Variants in TYRO3 observed in about 807,000 individuals in gnomAD.
TYRO3 encodes TYRO3 protein tyrosine kinase, also known as tyrosine-protein kinase receptor TYRO3.
A neutral mutation model predicts 95.2 loss-of-function variants in TYRO3; 38 were observed. The ratio of observed to expected loss-of-function variants is 0.40; its 90% CI spans 0.31 to 0.52. The LOEUF is 0.52. TYRO3 is among the 20% of genes least tolerant of loss of function. The pLI is 0.56. For missense variants in TYRO3, 812 were observed against 1,116.4 expected, an observed-to-expected ratio of 0.73 and a Z score of 3.89; for synonymous variants, 367 against 432.9, an observed-to-expected ratio of 0.85 and a Z score of 1.89.
intron 12 of TYRO3, 110 bp downstream of exon 12, chr15:41,570,809 A>C (rs1179036684): frequency 9.2e-7 from 1 of 1,090,098 alleles, no homozygotes; most frequent in Non-Finnish European, 1.4e-6. Context: ...CGTAAACAAG[A>C]TATGCTTGTA....
rs909130539 is a variant in TYRO3, at chr15:41,577,756, G to A, written c.2283-130G>A. 3.1e-6 allele frequency: 3 copies of A among 957,426 alleles called. No individual in the cohort carries two copies. In the African/African-American group the frequency reaches 4.9e-5, roughly 16 times the overall value. The allele number at this position is 957,426 out of a possible 1,614,324, so 59.3% of individuals were successfully genotyped here. On this transcript the variant is annotated intron_variant, in intron 18 of 18. Coordinates refer to ENST00000263798, the MANE Select transcript of TYRO3 (RefSeq NM_006293.4). ...CCCCTTCGGCCTCCCAAAGTGTTGA[G>A]ATTACAGATGCGAGCCGCTGTGCCC...
chr15:41,577,710 C>A, intron 18 of TYRO3, 176 bp from the exon 19 acceptor site: 1 of 610,860 alleles, frequency 1.6e-6, no homozygotes, highest in Non-Finnish European at 2.8e-6. Flanking sequence ...TGGTCTCGAA[C>A]TCCTGGGCTC....
rs2055783284 is a variant in TYRO3 at position 41,570,622 on chromosome 15, G to A, written c.1502G>A (p.Ser501Asn). ...CCCACAGTGGACAGCTTGGGCATCAGCGATGAACTAAAGGAAAAACTGGAG... is the reference window on the plus strand; with the variant it reads ...CCCACAGTGGACAGCTTGGGCATCAACGATGAACTAAAGGAAAAACTGGAG... ...IEATLDSLGI[S>N]DELKEKLEDV... Residue 501 changes from serine (S) to asparagine (N), a missense_variant, in exon 12 of 19, where the codon AGC (serine) becomes AAC (asparagine). Transcript: ENST00000263798. The A allele has an allele frequency of 6.2e-7, 1 of 1,614,184 alleles. No homozygotes were observed. The highest frequency in any genetic ancestry group is 2.2e-5 in the East Asian group (1 of 44,878).
intron 7 of TYRO3, among the ~76,000 whole-genome samples, chr15:41,567,965 G>A (rs2055745189): frequency 6.6e-6 from 1 of 152,172 alleles, no homozygotes. Flanking sequence ...GAGTGGTAAG[G>A]GGTGAGGCAG....
At chr15:41,561,347 A>AGG (rs1185796910) in intron 2 of TYRO3, 37 bp downstream of exon 2, 7 of 1,399,390 alleles carry the variant, frequency 5.0e-6, no homozygotes, top group Admixed American at 2.0e-5. Flanking sequence ...GCTGCCAGCC[A>AGG]GGGGGCAGGC....
At chr15:41,568,531 T>A (rs919570361) in intron 8 of TYRO3, among the ~76,000 whole-genome samples, 169 bp downstream of exon 8, 4 of 152,148 alleles carry the variant, frequency 2.6e-5, no homozygotes, top group African/African-American at 7.2e-5. Context: ...CTCAAAGGAT[T>A]ATGTCTCCTG....
chr15:41,574,649 G>T, intron 18 of TYRO3: 1 of 456,056 alleles, frequency 2.2e-6, no homozygotes, highest in Non-Finnish European at 4.4e-6. Flanking sequence ...TGATTTGTCT[G>T]TTCTAGTCTT....
chr15:41,562,331 C>CAAAA (rs11363130), intron 3 of TYRO3: 18 of 174,202 alleles, frequency 1.0e-4, no homozygotes, highest in East Asian at 2.6e-4. Flanking sequence ...CGACCAATCT[C>CAAAA]AAAAAAAAAA....
intron 8 of TYRO3, among the ~76,000 whole-genome samples, chr15:41,568,625 T>C (rs1208944611): frequency 6.6e-6 from 1 of 152,090 alleles, no homozygotes; most frequent in Non-Finnish European, 1.5e-5. Flanking sequence ...AGATAAGGCT[T>C]TGTCCCCAGC....
intron 15 of TYRO3, 83 bp from the exon 16 acceptor site, chr15:41,572,919 G>T (rs2055815397): frequency 1.1e-6 from 1 of 931,226 alleles, no homozygotes. Flanking sequence ...ACAGCCTTCA[G>T]GCTTTCTGGC....
chr15:41,568,841 A>T (rs763884099), intron 8 of TYRO3, 37 bp from the exon 9 acceptor site: 13 of 1,599,914 alleles, frequency 8.1e-6, no homozygotes, highest in Non-Finnish European at 1.1e-5. Flanking sequence ...CCTTCTCCCC[A>T]GGCTCACTAT....
chr15:41,565,181 T>C (rs1438280826), intron 6 of TYRO3, 40 bp downstream of exon 6: 3 of 1,317,734 alleles, frequency 2.3e-6, no homozygotes, highest in African/African-American at 1.4e-5. Flanking sequence ...TCTGGCTGCA[T>C]GGCCAGCACT....
rs546470135 is a variant in TYRO3 at position 41,572,896 on chromosome 15, A to G, written c.1876-106A>G. 2.0e-5 allele frequency: 15 copies of G among 763,312 alleles called. No homozygotes were observed. In the African/African-American group the frequency reaches 2.6e-4, roughly 13 times the overall value. The allele number at this position is 763,312 out of a possible 1,614,324, so 47.3% of individuals were successfully genotyped here. A position where few individuals can be genotyped will look rare whatever the true frequency, so the allele number is the denominator to read the frequency against. On this transcript the variant is annotated intron_variant, in intron 15 of 18. Transcript: ENST00000263798. ...GCCCTCCATCCCCTTCCTTCCTTCC[A>G]GTGATTCTGGGGACAGCCTTCAGGC...
chr15:41,569,937 C>G (rs2055772921), intron 9 of TYRO3, 90 bp from the exon 10 acceptor site: 7 of 1,524,132 alleles, frequency 4.6e-6, no homozygotes, highest in Non-Finnish European at 6.2e-6. Context: ...AGAGGAGCCC[C>G]TTGAACCAGC....
In TYRO3 at chr15:41,562,562, A is replaced by G; in HGVS notation, c.424A>G (p.Thr142Ala). The change falls in exon 4 of 19, where the codon ACA (threonine) becomes GCA (alanine). Residue 142 changes from threonine (T) to alanine (A), a missense_variant. Coordinates refer to ENST00000263798, the MANE Select transcript of TYRO3 (RefSeq NM_006293.4). ...TTCTCTCCTAGGTGTGCCATTTTTC[A>G]CAGTGGAGCCAAAAGATCTGGCAGT... is the stretch of plus-strand genomic sequence containing the variant. ...WLTVEGVPFFTVEPKDLAVPP... is the reference protein window; with the variant it reads ...WLTVEGVPFFAVEPKDLAVPP... 2 of 1,612,656 alleles carry G rather than the reference A, an allele frequency of 1.2e-6. No homozygotes were observed. Among genetic ancestry groups the G allele is most frequent in the South Asian group, 1.1e-5 (1 of 90,998 alleles).
chr15:41,577,834 C>T, intron 18 of TYRO3, 52 bp from the exon 19 acceptor site: 1 of 1,432,776 alleles, frequency 7.0e-7, no homozygotes, highest in African/African-American at 1.4e-5. Flanking sequence ...GAAGGGGCCC[C>T]TGCTTTTGAG....
intron 6 of TYRO3, among the ~76,000 whole-genome samples, chr15:41,567,096 A>G (rs2055732883): frequency 6.6e-6 from 1 of 152,190 alleles, no homozygotes; most frequent in East Asian, 1.9e-4. Context: ...TTCACCAAGA[A>G]AGTGATATTT....
rs1302727359 is a variant in TYRO3 at position 41,573,304 on chromosome 15, G to C, written c.1986-4G>C. ...CTGACTCTCTCCCTCAATGCCCCTT[G>C]TAGGCTGGCAGAGGACATGACAGTG... is the stretch of plus-strand genomic sequence containing the variant. On this transcript the variant is annotated splice_region_variant and splice_polypyrimidine_tract_variant and intron_variant, in intron 16 of 18. Coordinates refer to ENST00000263798, the MANE Select transcript of TYRO3 (RefSeq NM_006293.4). 1.9e-6 allele frequency: 3 copies of C among 1,613,882 alleles called. No homozygotes were observed. Among genetic ancestry groups the C allele is most frequent in the East Asian group, 2.2e-5 (1 of 44,872 alleles).
In TYRO3 at chr15:41,562,727, C is replaced by A. The variant is rs1268475806; in HGVS notation, c.580+9C>A. On this transcript the variant is annotated intron_variant, in intron 4 of 18. Coordinates refer to ENST00000263798, the MANE Select transcript of TYRO3 (RefSeq NM_006293.4). ...TGTTTTAAATGTAACAGGTGAGCAGCCTCAGAAGGGGGCTGGGAGTGGAGA... is the reference window on the plus strand; with the variant it reads ...TGTTTTAAATGTAACAGGTGAGCAGACTCAGAAGGGGGCTGGGAGTGGAGA... 1 of 1,604,536 alleles carries A rather than the reference C, an allele frequency of 6.2e-7. No individual in the cohort carries two copies. Among genetic ancestry groups the A allele is most frequent in the Admixed American group, 1.7e-5 (1 of 58,416 alleles).
Sources: gnomAD v4.1 joint callset for allele counts (sites outside exome capture counted in the v4.1 genomes callset) on GRCh38, gnomAD v4.1.1 for gene constraint, MANE v1.5 for transcripts, NCBI Gene and HGNC (gene_info 2026-07-23, HGNC 2026-07-21) for gene names.